Variants in PRR5L observed in about 807,000 individuals in gnomAD.
PRR5L encodes proline-rich protein 5-like.
A neutral mutation model predicts 36.4 loss-of-function variants in PRR5L; 21 were observed. The observed-to-expected ratio is 0.58, with a 90% CI of 0.41 to 0.83. The LOEUF (loss-of-function observed/expected upper bound fraction) is 0.83, where lower values mean the gene tolerates loss of function less well. Ranked by LOEUF, PRR5L falls within the 40% of genes least tolerant of loss-of-function variation. The probability of loss-of-function intolerance (pLI) is 0.00; values close to 1 mark genes in which losing one functional copy is unlikely to be tolerated. For missense variants in PRR5L, 381 were observed against 473.3 expected, an observed-to-expected ratio of 0.80 and a Z score of 1.81; for synonymous variants, 188 against 197.0, an observed-to-expected ratio of 0.95 and a Z score of 0.38.
chr11:36,340,958 A>G (rs1170760464), intron 1 of PRR5L, among the ~76,000 whole-genome samples: 1 of 152,196 alleles, frequency 6.6e-6, no homozygotes. Flanking sequence ...CTCTCATGGA[A>G]CAGAGGGAAT....
At chr11:36,391,033 C>T (rs201218316) in intron 1 of PRR5L, among the ~76,000 whole-genome samples, 1 of 16,974 alleles carries the variant, frequency 5.9e-5, no homozygotes, top group East Asian at 1.0e-3. Flanking sequence ...CAGAAGCTTC[C>T]GAGGGTTGTG....
At chr11:36,390,953 G>A (rs1014874504) in intron 1 of PRR5L, among the ~76,000 whole-genome samples, 3 of 152,184 alleles carry the variant, frequency 2.0e-5, no homozygotes, top group Non-Finnish European at 4.4e-5. Context: ...TCCTGGTGGT[G>A]TGGAAGGACA....
intron 1 of PRR5L, chr11:36,379,433 A>C (rs1231028658): frequency 6.6e-6 from 1 of 152,244 alleles, no homozygotes; most frequent in East Asian, 1.9e-4. Context: ...GTTCCTCTGA[A>C]AGATCCTTAC....
intron 1 of PRR5L, chr11:36,396,138 G>C (rs552711347): frequency 7.0e-4 from 106 of 152,322 alleles, no homozygotes; most frequent in African/African-American, 2.5e-3. Context: ...GGAATCTCCT[G>C]GCAGGCTCAA....
chr11:36,375,268 T>C (rs1395927576), intron 1 of PRR5L, among the ~76,000 whole-genome samples: 3 of 151,620 alleles, frequency 2.0e-5, no homozygotes, highest in Non-Finnish European at 4.4e-5. Flanking sequence ...TTCCCAGGCA[T>C]GTGTCCCATG....
intron 3 of PRR5L, among the ~76,000 whole-genome samples, chr11:36,412,885 A>T (rs1031116198): frequency 1.3e-5 from 2 of 152,098 alleles, no homozygotes; most frequent in African/African-American, 4.8e-5. Flanking sequence ...AACACATAAC[A>T]TTATGTTTTC....
intron 8 of PRR5L, among the ~76,000 whole-genome samples, chr11:36,454,322 C>G (rs999491047): frequency 6.6e-6 from 1 of 152,166 alleles, no homozygotes; most frequent in Non-Finnish European, 1.5e-5. Context: ...AAAATGGTCA[C>G]AGCAGTGCCC....
At chr11:36,374,894 T>C (rs1857237879) in intron 1 of PRR5L, among the ~76,000 whole-genome samples, 1 of 152,162 alleles carries the variant, frequency 6.6e-6, no homozygotes, top group East Asian at 1.9e-4. Flanking sequence ...CTTTGGCTCT[T>C]AATCCCTTAG....
intron 1 of PRR5L, among the ~76,000 whole-genome samples, chr11:36,400,118 G>T (rs111684992): frequency 6.6e-6 from 1 of 152,224 alleles, no homozygotes; most frequent in Non-Finnish European, 1.5e-5. Context: ...GGCGAGTTGG[G>T]TTTAAATAAG....
intron 7 of PRR5L, 99 bp downstream of exon 7, chr11:36,446,539 A>G: frequency 2.1e-6 from 3 of 1,445,570 alleles, no homozygotes; most frequent in Non-Finnish European, 9.5e-7. Flanking sequence ...TGACCAGAGC[A>G]CCTTAGCTTG....
chr11:36,451,061 G>A, intron 7 of PRR5L, 148 bp from the exon 8 acceptor site: 1 of 940,296 alleles, frequency 1.1e-6, no homozygotes, highest in East Asian at 2.4e-5. Context: ...TCAGGCCTCA[G>A]TTTCCTTCAT....
At chr11:36,397,095 T>A (rs1590532149) in intron 1 of PRR5L, among the ~76,000 whole-genome samples, 1 of 143,418 alleles carries the variant, frequency 7.0e-6, no homozygotes, top group African/African-American at 2.6e-5. Context: ...TGAGATGGAG[T>A]CTTGCTCTGT....
At chr11:36,367,262 A>G (rs558085734) in intron 1 of PRR5L, among the ~76,000 whole-genome samples, 2 of 152,390 alleles carry the variant, frequency 1.3e-5, no homozygotes, top group African/African-American at 4.8e-5. Context: ...AGGCTTTGCC[A>G]TAAAAGAATT....
chr11:36,376,807 C>T, intron 1 of PRR5L: 1 of 849,474 alleles, frequency 1.2e-6, no homozygotes, highest in Non-Finnish European at 1.4e-6. Flanking sequence ...TGACGGGGCG[C>T]GGCGTGGCGG....
intron 3 of PRR5L, among the ~76,000 whole-genome samples, chr11:36,406,179 C>T (rs11033594): frequency 0.047 from 7,215 of 151,940 alleles, 235 homozygotes; most frequent in African/African-American, 0.088. Context: ...GACTAACACT[C>T]ATCATGAGGA....
At chr11:36,351,292 ATATT>A (rs1374979896) in intron 1 of PRR5L, among the ~76,000 whole-genome samples, 1 of 21,372 alleles carries the variant, frequency 4.7e-5, no homozygotes, top group Non-Finnish European at 7.5e-5. Context: ...GTATATTTAT[ATATT>A]TATATATATA....
At chr11:36,423,192 G>T (rs11033616) in intron 4 of PRR5L, among the ~76,000 whole-genome samples, 5 of 152,132 alleles carry the variant, frequency 3.3e-5, no homozygotes, top group Non-Finnish European at 7.3e-5. Flanking sequence ...AGCTACTACC[G>T]TTGTCAATAG....
At chr11:36,427,713 G>A (rs1324346081) in intron 4 of PRR5L, among the ~76,000 whole-genome samples, 1 of 152,204 alleles carries the variant, frequency 6.6e-6, no homozygotes, top group Admixed American at 6.5e-5. Context: ...GACAGGGTGA[G>A]CTTCATAATT....
At chr11:36,409,948 G>C (rs575193446) in intron 3 of PRR5L, among the ~76,000 whole-genome samples, 148 of 152,316 alleles carry the variant, frequency 9.7e-4, no homozygotes, top group Non-Finnish European at 1.7e-3. Flanking sequence ...GAGCCACACA[G>C]AGCTGGCATT....
Sources: allele counts gnomAD v4.1 joint callset (sites outside exome capture counted in the v4.1 genomes callset), GRCh38; gene constraint gnomAD v4.1.1; transcripts MANE v1.5; gene names NCBI Gene and HGNC (gene_info 2026-07-23, HGNC 2026-07-21).